GNG2: variants seen among roughly 807,000 people sequenced by gnomAD.
GNG2 encodes G protein subunit gamma 2.
Under a neutral mutation model 5.5 loss-of-function variants are expected in GNG2, and 5 were observed. The observed-to-expected ratio is 0.91, with a 90% confidence interval of 0.48 to 1.92. GNG2 has a LOEUF of 1.92. Among genes scored for constraint, GNG2 ranks in the 30% most tolerant of loss-of-function variants. The pLI is 0.01. For missense variants in GNG2, 55 were observed against 88.4 expected (o/e 0.62, Z 1.52); for synonymous variants, 28 against 32.0 (o/e 0.88, Z 0.42).
At chr14:51,845,797 C>T (rs1016151341) in intron 2 of GNG2, among the ~76,000 whole-genome samples, 5 of 152,138 alleles carry the variant, frequency 3.3e-5, no homozygotes, top group African/African-American at 1.2e-4. Context: ...ACTTTTTACC[C>T]TGCGTGCCAC....
At chr14:51,840,814 T>G (rs548855954) in intron 2 of GNG2, among the ~76,000 whole-genome samples, 30 of 152,198 alleles carry the variant, frequency 2.0e-4, no homozygotes, top group Non-Finnish European at 2.5e-4. Flanking sequence ...ACCCCCTTCT[T>G]TCTTTTATAT....
chr14:51,965,342 G>A, intron 3 of GNG2, among the ~76,000 whole-genome samples: 1 of 152,198 alleles, frequency 6.6e-6, no homozygotes, highest in East Asian at 1.9e-4. Context: ...ATGTGGAAAT[G>A]TGTTATTTTA....
chr14:51,955,854 G>A (rs1396047620), intron 3 of GNG2, among the ~76,000 whole-genome samples: 3 of 152,178 alleles, frequency 2.0e-5, no homozygotes, highest in Non-Finnish European at 4.4e-5. Context: ...GGACAAATAT[G>A]TATAAATTAG....
At chr14:51,849,318 CAGGGCCTGTTATGACCT>C (rs1316086248) in intron 2 of GNG2, among the ~76,000 whole-genome samples, 1 of 152,226 alleles carries the variant, frequency 6.6e-6, no homozygotes, top group Non-Finnish European at 1.5e-5. Context: ...GTGGAAGCTA[CAGGGCCTGTTATGACCT>C]AGCCTTGAAA....
intron 2 of GNG2, among the ~76,000 whole-genome samples, chr14:51,883,678 C>T (rs921023950): frequency 2.6e-5 from 4 of 151,954 alleles, no homozygotes; most frequent in Admixed American, 6.6e-5. Flanking sequence ...AATATACATT[C>T]GTAGAGATGA....
At chr14:51,876,610 C>CT (rs916020788) in intron 1 of GNG2, among the ~76,000 whole-genome samples, 14 of 148,924 alleles carry the variant, frequency 9.4e-5, no homozygotes, top group South Asian at 2.1e-4. Flanking sequence ...TAGCCCTTGG[C>CT]TTTTTTTTTT....
At chr14:51,888,422 G>A (rs926315004) in intron 2 of GNG2, among the ~76,000 whole-genome samples, 12 of 151,966 alleles carry the variant, frequency 7.9e-5, no homozygotes, top group African/African-American at 1.9e-4. Context: ...GGGCTTGAGC[G>A]ATCCTCCCAC....
intron 2 of GNG2, among the ~76,000 whole-genome samples, chr14:51,943,192 G>A (rs1019817392): frequency 1.3e-5 from 2 of 152,170 alleles, no homozygotes; most frequent in South Asian, 2.1e-4. Flanking sequence ...AGACTAGGCC[G>A]ATGGGGTGAG....
intron 2 of GNG2, among the ~76,000 whole-genome samples, chr14:51,847,875 C>CTTTTTTTTTTTTTT (rs1555348001): frequency 3.0e-5 from 2 of 66,148 alleles, no homozygotes; most frequent in African/African-American, 4.4e-5. Context: ...AATACAGGTC[C>CTTTTTTTTTTTTTT]TTTTTCTTTT....
rs145730009 is a variant in GNG2, at chr14:51,939,319, A to T, written c.-29-11331A>T. The stretch of plus-strand genomic sequence containing the variant: ...TCATTTTACAAAATTTGTGAAATCC[A>T]TGACTTTGAAGTCATTTTTCGAGGA... On this transcript the variant is annotated intron_variant, in intron 2 of 3. Transcript: ENST00000556766. Among the ~76,000 whole-genome samples the T allele has an allele frequency of 3.0e-3, 459 of 152,332 alleles. 3 individuals are homozygous for T. The highest frequency in any genetic ancestry group is 0.011 in the African/African-American group (445 of 41,572).
intron 2 of GNG2, among the ~76,000 whole-genome samples, chr14:51,840,831 G>T (rs1881463411): frequency 6.6e-6 from 1 of 152,124 alleles, no homozygotes. Context: ...ATATCAGTTA[G>T]TTATGTTAGA....
chr14:51,912,286 G>C (rs765161588), intron 2 of GNG2, among the ~76,000 whole-genome samples: 1 of 152,088 alleles, frequency 6.6e-6, no homozygotes, highest in African/African-American at 2.4e-5. Flanking sequence ...AAAAGGAAGA[G>C]AGCACTAAGA....
chr14:51,888,880 G>T (rs1293940467), intron 2 of GNG2, among the ~76,000 whole-genome samples: 1 of 152,084 alleles, frequency 6.6e-6, no homozygotes, highest in Admixed American at 6.6e-5. Flanking sequence ...GGATTATTCA[G>T]CCATGAAAAG....
chr14:51,827,209 A>C (rs921501494), intron 1 of GNG2, among the ~76,000 whole-genome samples: 1 of 152,236 alleles, frequency 6.6e-6, no homozygotes. Context: ...CACAGATGTC[A>C]ATACTCTTTA....
At chr14:51,894,081 C>T (rs1039119987) in intron 2 of GNG2, among the ~76,000 whole-genome samples, 11 of 151,904 alleles carry the variant, frequency 7.2e-5, no homozygotes, top group African/African-American at 2.2e-4. Context: ...ACATTTTTTC[C>T]ATATAAAATT....
At chr14:51,879,880 G>A (rs192156958) in intron 2 of GNG2, among the ~76,000 whole-genome samples, 218 of 152,290 alleles carry the variant, frequency 1.4e-3, no homozygotes, top group Non-Finnish European at 2.7e-3. Context: ...CCTGGGATTA[G>A]GACTGAACAT....
At chr14:51,847,846 A>G (rs969322254) in intron 2 of GNG2, among the ~76,000 whole-genome samples, 4 of 145,220 alleles carry the variant, frequency 2.8e-5, no homozygotes, top group African/African-American at 1.0e-4. Context: ...AGGCCAGGAC[A>G]TAGGGATGTT....
chr14:51,951,770 A>G (rs1888988906), intron 3 of GNG2: 2 of 622,944 alleles, frequency 3.2e-6, no homozygotes, highest in Admixed American at 5.7e-5. Context: ...TTATTAGAAC[A>G]CACTCATTTA....
At chr14:51,864,213 G>A (rs1433667882) in intron 1 of GNG2, among the ~76,000 whole-genome samples, 1 of 152,082 alleles carries the variant, frequency 6.6e-6, no homozygotes, top group Non-Finnish European at 1.5e-5. Context: ...CATTTTAAGA[G>A]GTATGAAGTG....
Sources: allele counts gnomAD v4.1 joint callset (sites outside exome capture counted in the v4.1 genomes callset), GRCh38; gene constraint gnomAD v4.1.1; transcripts MANE v1.5; gene names NCBI Gene and HGNC (gene_info 2026-07-23, HGNC 2026-07-21).